Variants in CRTC3 observed in about 807,000 individuals in gnomAD.
The protein encoded by CRTC3 is CREB regulated transcription coactivator 3, also known as CREB-regulated transcription coactivator 3.
CRTC3 carries 26 observed loss-of-function variants against 74.5 expected under a neutral mutation model. The ratio of observed to expected loss-of-function variants is 0.35; its 90% CI spans 0.26 to 0.48. The LOEUF (loss-of-function observed/expected upper bound fraction) is 0.48. Among genes scored for constraint, CRTC3 ranks in the 20% least tolerant of loss-of-function variants. CRTC3 has a pLI of 0.99. For synonymous variants in CRTC3, 377 were observed against 325.8 expected (o/e 1.16, Z -1.69); for missense variants, 760 against 787.3 (o/e 0.97, Z 0.41).
chr15:90,543,905 A>T (rs1966839437), intron 2 of CRTC3, among the ~76,000 whole-genome samples: 1 of 152,002 alleles, frequency 6.6e-6, no homozygotes. Context: ...CACCATCTGT[A>T]GTTTTGACTC....
At chr15:90,615,130 G>C (rs1968460134) in intron 7 of CRTC3, among the ~76,000 whole-genome samples, 1 of 152,000 alleles carries the variant, frequency 6.6e-6, no homozygotes, top group Non-Finnish European at 1.5e-5. Context: ...TATTCCAGTA[G>C]TCTACCCATT....
chr15:90,626,953 C>G (rs1968858136), intron 10 of CRTC3, among the ~76,000 whole-genome samples: 1 of 152,198 alleles, frequency 6.6e-6, no homozygotes, highest in Non-Finnish European at 1.5e-5. Flanking sequence ...TCCTCTTACT[C>G]CCAGTGGTGC....
chr15:90,611,497 T>C (rs1968355510), intron 6 of CRTC3, among the ~76,000 whole-genome samples: 2 of 152,180 alleles, frequency 1.3e-5, no homozygotes, highest in South Asian at 4.1e-4. Context: ...TGCTATCTTG[T>C]GGGTTTTTAA....
At chr15:90,636,836 A>C (rs1969256622) in intron 11 of CRTC3, among the ~76,000 whole-genome samples, 1 of 152,236 alleles carries the variant, frequency 6.6e-6, no homozygotes, top group South Asian at 2.1e-4. Flanking sequence ...GAGAAATGCA[A>C]ATCAAAACCA....
At chr15:90,633,190 C>G (rs1969105669) in intron 11 of CRTC3, among the ~76,000 whole-genome samples, 1 of 151,960 alleles carries the variant, frequency 6.6e-6, no homozygotes, top group Non-Finnish European at 1.5e-5. Context: ...TTTTTTTCCT[C>G]TTGGGAGTTA....
intron 6 of CRTC3, among the ~76,000 whole-genome samples, chr15:90,608,083 T>C (rs1034141732): frequency 4.6e-5 from 7 of 151,944 alleles, no homozygotes; most frequent in Admixed American, 1.3e-4. Flanking sequence ...TGCCTTGAGA[T>C]GGGGGAAGAG....
chr15:90,585,557 C>T (rs1472066177), intron 2 of CRTC3, among the ~76,000 whole-genome samples: 1 of 152,154 alleles, frequency 6.6e-6, no homozygotes, highest in South Asian at 2.1e-4. Flanking sequence ...GGAGGCAAAG[C>T]GGTGAGGTAA....
intron 6 of CRTC3, among the ~76,000 whole-genome samples, chr15:90,612,043 T>TCCG (rs1968370916): frequency 8.4e-6 from 1 of 119,296 alleles, no homozygotes. Flanking sequence ...CTCCTCCTCC[T>TCCG]CCTCCTCCTC....
chr15:90,622,325 T>TTA (rs1207200410), intron 9 of CRTC3, among the ~76,000 whole-genome samples: 7 of 152,224 alleles, frequency 4.6e-5, no homozygotes, highest in African/African-American at 1.7e-4. Flanking sequence ...ACGTTACTAA[T>TTA]GACCTGTTTC....
chr15:90,617,751 A>G lies in CRTC3; in HGVS notation c.614-132A>G. The G allele has an allele frequency of 1.3e-5, 8 of 607,886 alleles. No individual in the cohort carries two copies. The Middle Eastern group carries it at 1.8e-3, about 134-fold the overall frequency. 37.7% of individuals were successfully genotyped at this position (607,886 alleles called of 1,614,324 possible). A position where few individuals can be genotyped will look rare whatever the true frequency, so the allele number is the denominator to read the frequency against. ...TCACTATGTTGCCCAGGCTTGTCTC[A>G]AACTCCTGGGCTCAAGCGATCCTCC... On this transcript the variant is annotated intron_variant, in intron 7 of 14. Coordinates refer to ENST00000268184, the MANE Select transcript of CRTC3 (RefSeq NM_022769.5).
intron 1 of CRTC3, among the ~76,000 whole-genome samples, chr15:90,536,301 T>C (rs1966717887): frequency 6.6e-6 from 1 of 151,924 alleles, no homozygotes; most frequent in Non-Finnish European, 1.5e-5. Context: ...TTTGGGAGGC[T>C]GAGGCGGGTA....
intron 2 of CRTC3, among the ~76,000 whole-genome samples, chr15:90,557,644 G>C (rs192705832): frequency 6.6e-6 from 1 of 152,116 alleles, no homozygotes; most frequent in African/African-American, 2.4e-5. Context: ...GACAGAGCCG[G>C]GTCTGTCTGG....
intron 11 of CRTC3, chr15:90,634,967 A>C: frequency 6.7e-7 from 1 of 1,499,314 alleles, no homozygotes; most frequent in Admixed American, 1.7e-5. Flanking sequence ...GCACCAAAGT[A>C]GTTCTAGATG....
intron 2 of CRTC3, among the ~76,000 whole-genome samples, chr15:90,581,047 T>A (rs992587547): frequency 6.6e-6 from 1 of 152,144 alleles, no homozygotes; most frequent in Non-Finnish European, 1.5e-5. Context: ...GGAGAACATA[T>A]CAGAAGCATG....
In CRTC3 at chr15:90,593,661, T is replaced by C; in HGVS notation, c.257T>C (p.Val86Ala). The change falls in exon 3 of 15, where the codon GTT becomes GCT. Residue 86 changes from valine (V) to alanine (A), a missense_variant. Transcript: ENST00000268184. ...CCGTCATTTCACCAAGCTGATAATG[T>C]TCGGGGAACCCGCCATCACGGGCTG... Reference protein sequence around the residue: ...FQPSFHQADNVRGTRHHGLVE... With the variant: ...FQPSFHQADNARGTRHHGLVE... 1.2e-6 allele frequency: 2 copies of C among 1,610,454 alleles called. No homozygotes were observed. Among genetic ancestry groups the C allele is most frequent in the Non-Finnish European group, 1.7e-6 (2 of 1,176,884 alleles).
At chr15:90,546,971 T>C (rs1267800682) in intron 2 of CRTC3, among the ~76,000 whole-genome samples, 1 of 152,192 alleles carries the variant, frequency 6.6e-6, no homozygotes, top group Non-Finnish European at 1.5e-5. Context: ...TATAGATAGG[T>C]TGGGGATAAT....
intron 9 of CRTC3, chr15:90,624,864 G>A (rs938196689): frequency 6.5e-6 from 1 of 152,746 alleles, no homozygotes; most frequent in African/African-American, 2.4e-5. Context: ...GGGGTGGCTA[G>A]AGAGTCAGCA....
intron 2 of CRTC3, among the ~76,000 whole-genome samples, chr15:90,575,008 A>G (rs186104016): frequency 1.9e-4 from 29 of 150,908 alleles, no homozygotes; most frequent in African/African-American, 6.8e-4. Flanking sequence ...GACTTTCTTT[A>G]TACTGAAATT....
chr15:90,533,295 TCGGGAGG>T (rs1966661848), intron 1 of CRTC3, among the ~76,000 whole-genome samples: 3 of 149,532 alleles, frequency 2.0e-5, no homozygotes, highest in Non-Finnish European at 4.4e-5. Context: ...TCCCAGCTAC[TCGGGAGG>T]CTGCGGCAGG....
Sources: allele counts gnomAD v4.1 joint callset (sites outside exome capture counted in the v4.1 genomes callset), GRCh38; gene constraint gnomAD v4.1.1; transcripts MANE v1.5; gene names NCBI Gene and HGNC (gene_info 2026-07-23, HGNC 2026-07-21).